The following OAT variants were observed in gnomAD, a reference collection of about 807,000 sequenced individuals.
OAT encodes the protein ornithine aminotransferase, mitochondrial.
In OAT, 35 loss-of-function variants were observed where a neutral mutation model predicts 48.4. The ratio of observed to expected loss-of-function variants is 0.72; its 90% confidence interval spans 0.55 to 0.96. The LOEUF (loss-of-function observed/expected upper bound fraction) is 0.96, where lower values mean the gene tolerates loss of function less well. OAT is among the 40% of genes least tolerant of loss of function. The pLI, the probability that OAT is intolerant of heterozygous loss-of-function variation, is 0.00. For missense variants in OAT, 438 were observed against 537.9 expected, an observed-to-expected ratio of 0.81 and a Z score of 1.84; for synonymous variants, 182 against 198.4, an observed-to-expected ratio of 0.92 and a Z score of 0.70.
intron 5 of OAT, 109 bp from the exon 6 acceptor site, chr10:124,404,029 G>T (rs1009873404): frequency 7.6e-7 from 1 of 1,313,922 alleles, no homozygotes; most frequent in East Asian, 2.4e-5. Flanking sequence ...TCAAGTTTTC[G>T]CACTAACGTA....
In OAT at chr10:124,403,952, C is replaced by T. The variant is rs1243318776; in HGVS notation, c.649-32G>A. On this transcript the variant is annotated intron_variant, in intron 5 of 9. Transcript: ENST00000368845. ...AAGAAACAGGAATAAGTTTTAATAACTTCCTTTCTACCACACTTGGAAATC... is the reference window on the plus strand; with the variant it reads ...AAGAAACAGGAATAAGTTTTAATAATTTCCTTTCTACCACACTTGGAAATC... 4.3e-6 allele frequency: 7 copies of T among 1,613,472 alleles called. No individual in the cohort carries two copies. The South Asian group carries it at 6.6e-5, about 15-fold the overall frequency.
chr10:124,406,238 C>T, intron 4 of OAT: 1 of 596,592 alleles, frequency 1.7e-6, no homozygotes, highest in South Asian at 7.4e-5. Context: ...CTTATGTAAT[C>T]CCTGCACTTT....
chr10:124,404,672 A>C (rs1951521802), intron 5 of OAT, among the ~76,000 whole-genome samples: 1 of 151,996 alleles, frequency 6.6e-6, no homozygotes, highest in East Asian at 1.9e-4. Context: ...GTGCTCCTCC[A>C]GCCCTGGCCT....
At chr10:124,403,362 C>T in intron 6 of OAT, 1 of 492,774 alleles carries the variant, frequency 2.0e-6, no homozygotes, top group Non-Finnish European at 3.7e-6. Flanking sequence ...TAACTACCCT[C>T]TGGGAACAAA....
chr10:124,404,412 C>T (rs7913740), intron 5 of OAT, among the ~76,000 whole-genome samples: 42,422 of 151,552 alleles, frequency 0.28, 6,027 homozygotes, highest in Non-Finnish European at 0.3. Flanking sequence ...GGATTACAGG[C>T]GCACAGCACC....
chr10:124,402,325 C>T (rs1951436574), intron 7 of OAT, among the ~76,000 whole-genome samples: 1 of 152,148 alleles, frequency 6.6e-6, no homozygotes, highest in Admixed American at 6.5e-5. Flanking sequence ...TTCAATGGCA[C>T]AAAACAATAT....
At position 124,411,375 on chromosome 10, in the gene OAT, TAA is replaced by T. The variant is rs536470293; in HGVS notation, c.199+596_199+597del. Among the ~76,000 whole-genome samples, 76 of 152,146 alleles carry T rather than the reference TAA, an allele frequency of 5.0e-4. No homozygotes were observed. In the East Asian group the frequency reaches 9.9e-3, roughly 20 times the overall value. On this transcript the variant is annotated intron_variant, in intron 2 of 9. Coordinates refer to ENST00000368845, the MANE Select transcript of OAT (RefSeq NM_000274.4). ...TCTTAAGTCTAAAACTATGCCAAAA[TAA>T]AAGTTAAAAGAAAAAAATGACAGCA...
chr10:124,403,641 C>T (rs1039733113), intron 6 of OAT, among the ~76,000 whole-genome samples, 157 bp downstream of exon 6: 5 of 152,208 alleles, frequency 3.3e-5, no homozygotes, highest in Non-Finnish European at 5.9e-5. Context: ...AGTACTTAAG[C>T]TCTTAGAATG....
chr10:124,401,043 G>T, intron 8 of OAT, 59 bp from the exon 9 acceptor site: 2 of 1,210,092 alleles, frequency 1.7e-6, no homozygotes, highest in Non-Finnish European at 2.4e-6. Context: ...TTTTTTGGAG[G>T]ACAACGGGGA....
intron 9 of OAT, among the ~76,000 whole-genome samples, chr10:124,398,477 A>C (rs1002158148): frequency 1.3e-5 from 2 of 151,796 alleles, no homozygotes; most frequent in Admixed American, 6.6e-5. Context: ...ACTGCACTCC[A>C]GCCTGGTGAC....
At chr10:124,408,343 ATTTTTTTT>A (rs146556713) in intron 4 of OAT, among the ~76,000 whole-genome samples, 191 bp downstream of exon 4, 1 of 83,830 alleles carries the variant, frequency 1.2e-5, no homozygotes, top group Non-Finnish European at 2.3e-5. Context: ...ATATATATAT[ATTTTTTTT>A]TTTTTTTTTT....
rs567428172 is a variant in OAT, at chr10:124,408,894, C to T, written c.271G>A (p.Gly91Arg). The T allele has an allele frequency of 1.2e-6, 2 of 1,613,920 alleles. No individual in the cohort carries two copies. Among genetic ancestry groups the T allele is most frequent in the South Asian group, 1.1e-5 (1 of 91,072 alleles). The change falls in exon 3 of 10, where the codon GGG becomes AGG. Residue 91 changes from glycine (G) to arginine (R), a missense_variant. Coordinates refer to ENST00000368845, the MANE Select transcript of OAT (RefSeq NM_000274.4). ...FLSSYSAVNQ[G>R]HCHPKIVNAL... ...TTCACAATCTTGGGGTGACAATGCC[C>T]TTGGTTGACAGCACTGTAAGAACTC... is the stretch of plus-strand genomic sequence containing the variant.
intron 8 of OAT, 144 bp from the exon 9 acceptor site, chr10:124,401,128 G>A (rs572798451): frequency 3.2e-5 from 20 of 621,664 alleles, no homozygotes; most frequent in Non-Finnish European, 5.4e-5. Context: ...TTCAAAGCCT[G>A]TATTAGTTTC....
chr10:124,403,496 G>A (rs1564731275), intron 6 of OAT, among the ~76,000 whole-genome samples: 1 of 152,174 alleles, frequency 6.6e-6, no homozygotes, highest in Non-Finnish European at 1.5e-5. Context: ...GCTTGCGGGG[G>A]CTCAGAGTGA....
chr10:124,397,938 A>G lies in OAT; in HGVS notation c.*4T>C. ...CAGGGACCACTGAAAACAGCTGGCTACCCTCAGAAAGACAAGATGGTCTTG... is the reference window on the plus strand; with the variant it reads ...CAGGGACCACTGAAAACAGCTGGCTGCCCTCAGAAAGACAAGATGGTCTTG... On this transcript the variant is annotated 3_prime_UTR_variant, in exon 10 of 10. Coordinates refer to ENST00000368845, the MANE Select transcript of OAT (RefSeq NM_000274.4). 6.2e-7 allele frequency: 1 copy of G among 1,613,684 alleles called. No homozygotes were observed. The highest frequency in any genetic ancestry group is 8.5e-7 in the Non-Finnish European group (1 of 1,179,834).
chr10:124,408,992 T>C, intron 2 of OAT, 27 bp from the exon 3 acceptor site: 1 of 1,566,754 alleles, frequency 6.4e-7, no homozygotes, highest in Non-Finnish European at 8.8e-7. Context: ...AGGAAAATAA[T>C]TTTAGACAAT....
At position 124,398,210 on chromosome 10, in the gene OAT, C is replaced by T. The variant is rs56311452; in HGVS notation, c.1160-108G>A. 3.4e-3 allele frequency: 4,276 copies of T among 1,267,954 alleles called. 98 individuals are homozygous for T. The African/African-American group carries it at 0.055, about 16-fold the overall frequency. The allele number at this position is 1,267,954 out of a possible 1,614,324, so 78.5% of individuals were successfully genotyped here. ...GGCAAAACAAAATTAACAGAACTTG[C>T]TCAACTAAGGGAAGCTTGGGCTGGG... On this transcript the variant is annotated intron_variant, in intron 9 of 9. Coordinates refer to ENST00000368845, the MANE Select transcript of OAT (RefSeq NM_000274.4).
chr10:124,408,524 A>C lies in OAT; in HGVS notation c.520+18T>G, dbSNP rs778035963. 1.1e-5 allele frequency: 17 copies of C among 1,573,198 alleles called. No homozygotes were observed. Among genetic ancestry groups the C allele is most frequent in the Non-Finnish European group, 1.5e-5 (17 of 1,145,438 alleles). ...TTGTATGTTTCAATCATAGAAGTTAATATTTAATTTCACATACCTGCAAAA... is the reference window on the plus strand; with the variant it reads ...TTGTATGTTTCAATCATAGAAGTTACTATTTAATTTCACATACCTGCAAAA... On this transcript the variant is annotated intron_variant, in intron 4 of 9. Coordinates refer to ENST00000368845, the MANE Select transcript of OAT (RefSeq NM_000274.4).
At chr10:124,407,324 G>A (rs540296509) in intron 4 of OAT, 2 of 985,050 alleles carry the variant, frequency 2.0e-6, no homozygotes, top group African/African-American at 1.7e-5. Context: ...GTCTTCCTCT[G>A]TCTCTCCACC....
Sources: gnomAD v4.1 joint callset for allele counts (sites outside exome capture counted in the v4.1 genomes callset) on GRCh38, gnomAD v4.1.1 for gene constraint, MANE v1.5 for transcripts, NCBI Gene and HGNC (gene_info 2026-07-23, HGNC 2026-07-21) for gene names.